PDE5A: variants seen among roughly 807,000 people sequenced by gnomAD.
The protein encoded by PDE5A is phosphodiesterase 5A, also known as cGMP-specific 3',5'-cyclic phosphodiesterase.
Under a neutral mutation model 110.2 loss-of-function variants are expected in PDE5A, and 67 were observed. The ratio of observed to expected loss-of-function variants is 0.61; its 90% CI spans 0.50 to 0.75. PDE5A has a LOEUF of 0.75. PDE5A is among the 30% of genes least tolerant of loss of function. The pLI is 0.00. For synonymous variants in PDE5A, 328 were observed against 351.2 expected (o/e 0.93, Z 0.74); for missense variants, 862 against 1,045.1 (o/e 0.82, Z 2.42).
At chr4:119,498,823 C>T (rs1725186548) in intron 20 of PDE5A, 85 bp from the exon 21 acceptor site, 12 of 1,405,358 alleles carry the variant, frequency 8.5e-6, no homozygotes, top group Non-Finnish European at 1.2e-5. Context: ...GGGCCACATC[C>T]CACACTCATT....
chr4:119,538,372 C>A (rs184108102), intron 11 of PDE5A, among the ~76,000 whole-genome samples: 406 of 152,264 alleles, frequency 2.7e-3, no homozygotes, highest in Middle Eastern at 0.01. Context: ...CACAGGAGGA[C>A]AACCTAGGTT....
At chr4:119,543,094 A>C (rs981447639) in intron 9 of PDE5A, 2 of 150,188 alleles carry the variant, frequency 1.3e-5, no homozygotes, top group African/African-American at 5.0e-5. Context: ...GGTTACATAC[A>C]AAATAGAATG....
chr4:119,501,216 C>CT lies in PDE5A; in HGVS notation c.2443dup (p.Ser815LysfsTer16). 6.2e-7 allele frequency: 1 copy of CT among 1,612,552 alleles called. No individual in the cohort carries two copies. The highest frequency in any genetic ancestry group is 8.5e-7 in the Non-Finnish European group (1 of 1,178,712). ...GGCATCTATGAACCCAACTTGCATA[C>CT]TTGGGATTTTGTTTTTCTTCTCCCT... On this transcript the variant is annotated frameshift_variant, in exon 20 of 21. Coordinates refer to ENST00000354960, the MANE Select transcript of PDE5A (RefSeq NM_001083.4). LOFTEE classifies it high-confidence loss of function.
chr4:119,570,565 A>G lies in PDE5A; in HGVS notation c.832-3421T>C, dbSNP rs115617881. Among the ~76,000 whole-genome samples the G allele has an allele frequency of 7.6e-3, 1,151 of 152,326 alleles. 19 individuals are homozygous for G. The highest frequency in any genetic ancestry group is 0.026 in the African/African-American group (1,082 of 41,570). ...TGTTCTTTTAGGAATGCAAAGGCCA[A>G]GACTTGACTCTCACTGGGCGAGCAG... On this transcript the variant is annotated intron_variant, in intron 3 of 20. Transcript: ENST00000354960.
intron 20 of PDE5A, chr4:119,500,012 A>C (rs1225036177): frequency 6.6e-6 from 1 of 152,086 alleles, no homozygotes; most frequent in African/African-American, 2.4e-5. Context: ...AACATCTATA[A>C]TAGGTGATTA....
rs914381450 is a variant in PDE5A, at chr4:119,498,507, A to C, written c.*94T>G. The stretch of plus-strand genomic sequence containing the variant: ...ATACAGCAGTGGCAAAGTATATACC[A>C]AATACAGACACTATACAGACAGTGT... On this transcript the variant is annotated 3_prime_UTR_variant, in exon 21 of 21. Transcript: ENST00000354960. 2.8e-6 allele frequency: 4 copies of C among 1,411,940 alleles called. No homozygotes were observed. The highest frequency in any genetic ancestry group is 3.9e-6 in the Non-Finnish European group (4 of 1,021,284). 87.5% of individuals were successfully genotyped at this position (1,411,940 alleles called of 1,614,324 possible). A position where few individuals can be genotyped will look rare whatever the true frequency, so the allele number is the denominator to read the frequency against.
chr4:119,569,031 C>CTT (rs202205857), intron 3 of PDE5A, among the ~76,000 whole-genome samples: 4 of 142,852 alleles, frequency 2.8e-5, no homozygotes, highest in Non-Finnish European at 4.6e-5. Flanking sequence ...TCCTTTCAGT[C>CTT]TTTTTTTTTT....
chr4:119,591,190 T>C (rs897766601), intron 3 of PDE5A, among the ~76,000 whole-genome samples: 4 of 152,218 alleles, frequency 2.6e-5, no homozygotes, highest in African/African-American at 9.6e-5. Flanking sequence ...ATGTGGCTAA[T>C]GACCTCTTCA....
chr4:119,529,575 CA>C (rs1340574599), intron 11 of PDE5A, among the ~76,000 whole-genome samples: 2 of 152,248 alleles, frequency 1.3e-5, no homozygotes, highest in African/African-American at 4.8e-5. Context: ...TGCAGTCCTG[CA>C]GCTTGCAGTT....
intron 9 of PDE5A, chr4:119,543,810 C>T (rs1286847637): frequency 6.6e-6 from 1 of 152,290 alleles, no homozygotes; most frequent in African/African-American, 2.4e-5. Context: ...CCTATACCTC[C>T]TTCCCAATGA....
intron 1 of PDE5A, among the ~76,000 whole-genome samples, chr4:119,624,361 G>C (rs139475247): frequency 6.6e-6 from 1 of 151,918 alleles, no homozygotes. Flanking sequence ...TGTAAATACC[G>C]TGCAATAAAA....
chr4:119,525,111 T>C lies in PDE5A; in HGVS notation c.1779+438A>G, dbSNP rs1726264214. 6.6e-6 allele frequency among the ~76,000 whole-genome samples: 1 copy of C among 152,098 alleles called. No individual in the cohort carries two copies. The highest frequency in any genetic ancestry group is 1.5e-5 in the Non-Finnish European group (1 of 68,006). ...AACCATTGCAGTGAGATCATGCTACTTCTCTGCATAAAATTCCTGTGACTC... is the reference window on the plus strand; with the variant it reads ...AACCATTGCAGTGAGATCATGCTACCTCTCTGCATAAAATTCCTGTGACTC... On this transcript the variant is annotated intron_variant, in intron 12 of 20. Transcript: ENST00000354960. The surrounding 1 kb of genome is among the most constrained non-coding windows in gnomAD (Gnocchi z 4.3).
At chr4:119,622,922 T>C (rs1730209915) in intron 1 of PDE5A, among the ~76,000 whole-genome samples, 1 of 149,656 alleles carries the variant, frequency 6.7e-6, no homozygotes, top group Non-Finnish European at 1.5e-5. Flanking sequence ...AGAATTTTTA[T>C]CAAAATGATT....
chr4:119,622,697 C>A (rs1239829459), intron 1 of PDE5A, among the ~76,000 whole-genome samples: 1 of 151,700 alleles, frequency 6.6e-6, no homozygotes, highest in African/African-American at 2.4e-5. Flanking sequence ...CATGGTGAAA[C>A]CCCGTCTCTA....
At chr4:119,517,641 A>T (rs1725963026) in intron 14 of PDE5A, among the ~76,000 whole-genome samples, 1 of 141,818 alleles carries the variant, frequency 7.1e-6, no homozygotes, top group African/African-American at 2.6e-5. Flanking sequence ...GTTTCTCCAG[A>T]TGTTTTTGGG....
chr4:119,607,317 GAC>G lies in PDE5A; in HGVS notation c.153-22_153-21del, dbSNP rs1232434548. The G allele has an allele frequency of 6.6e-7, 1 of 1,523,512 alleles. No individual in the cohort carries two copies. The highest frequency in any genetic ancestry group is 2.3e-5 in the East Asian group (1 of 44,334). 94.4% of individuals were successfully genotyped at this position (1,523,512 alleles called of 1,614,324 possible). Reference sequence around the variant, plus strand: ...ATTTCTCTGCAGAACAGAACGTGCAGACACATTAGATACTTGAAGAGGAAGGG... The same window carrying G: ...ATTTCTCTGCAGAACAGAACGTGCAGACATTAGATACTTGAAGAGGAAGGG... On this transcript the variant is annotated intron_variant, in intron 1 of 20. Transcript: ENST00000354960.
At chr4:119,620,794 G>C (rs1338938391) in intron 1 of PDE5A, among the ~76,000 whole-genome samples, 1 of 152,160 alleles carries the variant, frequency 6.6e-6, no homozygotes, top group Non-Finnish European at 1.5e-5. Flanking sequence ...TTGTGTTAAT[G>C]AGAAAATAAA....
chr4:119,575,155 G>A lies in PDE5A; in HGVS notation c.832-8011C>T, dbSNP rs556372894. On this transcript the variant is annotated intron_variant, in intron 3 of 20. Transcript: ENST00000354960. Reference sequence around the variant, plus strand: ...TAGAGAAAAAAGAATAAAAAGAAACGAACAAAGCCTCCAAGAAATATGGGA... The same window carrying A: ...TAGAGAAAAAAGAATAAAAAGAAACAAACAAAGCCTCCAAGAAATATGGGA... 1.2e-4 allele frequency among the ~76,000 whole-genome samples: 19 copies of A among 152,256 alleles called. No homozygotes were observed. In the East Asian group the frequency reaches 1.4e-3, roughly 11 times the overall value.
chr4:119,576,111 G>A (rs1728333012), intron 3 of PDE5A, among the ~76,000 whole-genome samples: 1 of 150,344 alleles, frequency 6.7e-6, no homozygotes, highest in African/African-American at 2.5e-5. Flanking sequence ...TAATGGTAAA[G>A]GGATCAATTC....
Sources: allele counts gnomAD v4.1 joint callset (sites outside exome capture counted in the v4.1 genomes callset), GRCh38; gene constraint gnomAD v4.1.1; non-coding constraint Gnocchi (gnomAD v3.1); transcripts MANE v1.5; gene names NCBI Gene and HGNC (gene_info 2026-07-23, HGNC 2026-07-21).